ZNF536: variants seen among roughly 807,000 people sequenced by gnomAD.
The protein encoded by ZNF536 is zinc finger protein 536.
Under a neutral mutation model 84.5 loss-of-function variants are expected in ZNF536, and 13 were observed. The observed-to-expected ratio is 0.15, with a 90% CI of 0.10 to 0.24. The LOEUF is 0.24. Among genes scored for constraint, ZNF536 ranks in the 10% least tolerant of loss-of-function variants. The probability of loss-of-function intolerance (pLI) is 1.00; values close to 1 mark genes in which losing one functional copy is unlikely to be tolerated. For missense variants in ZNF536, 1,536 were observed against 1,747.5 expected (o/e 0.88, Z 2.16); for synonymous variants, 811 against 742.5 (o/e 1.09, Z -1.50).
chr19:30,394,853 G>C (rs1430673539), intron 1 of ZNF536, among the ~76,000 whole-genome samples: 3 of 152,136 alleles, frequency 2.0e-5, no homozygotes, highest in Non-Finnish European at 4.4e-5. Flanking sequence ...AGGATTTTAG[G>C]CTTTACCTGA....
intron 3 of ZNF536, among the ~76,000 whole-genome samples, chr19:30,363,941 G>A (rs1399883628): frequency 6.6e-6 from 1 of 152,178 alleles, no homozygotes. Context: ...GGGAATTGAA[G>A]TGGTCATTCC....
rs147826198 is a variant in ZNF536, at chr19:30,466,254, A to G, written c.2170+20522A>G. ...AAATACATATAACATAGAATTTACC[A>G]TTTTAGGCTGGACACCATGGCTCAC... On this transcript the variant is annotated intron_variant, in intron 2 of 4. Coordinates refer to ENST00000355537, the MANE Select transcript of ZNF536 (RefSeq NM_014717.3). 2.8e-3 allele frequency among the ~76,000 whole-genome samples: 424 copies of G among 151,880 alleles called. 1 individual carries two copies. The highest frequency in any genetic ancestry group is 9.9e-3 in the African/African-American group (408 of 41,408).
chr19:30,616,141 T>A (rs1388202198), intron 1 of ZNF536, among the ~76,000 whole-genome samples: 1 of 152,230 alleles, frequency 6.6e-6, no homozygotes, highest in Non-Finnish European at 1.5e-5. Flanking sequence ...CATAACCTGC[T>A]CTTTTTTTAA....
At chr19:30,440,696 G>A (rs981372204) in intron 1 of ZNF536, among the ~76,000 whole-genome samples, 1 of 152,118 alleles carries the variant, frequency 6.6e-6, no homozygotes, top group Admixed American at 6.5e-5. Context: ...CCTCAGACAG[G>A]GTGGGCACAG....
chr19:30,526,561 A>G (rs2044587290), intron 2 of ZNF536, among the ~76,000 whole-genome samples: 1 of 146,140 alleles, frequency 6.8e-6, no homozygotes, highest in South Asian at 2.1e-4. Flanking sequence ...CGTCTCTACT[A>G]AAAATACAAA....
intron 1 of ZNF536, among the ~76,000 whole-genome samples, chr19:30,615,478 T>C (rs548651783): frequency 5.3e-5 from 8 of 152,322 alleles, no homozygotes; most frequent in African/African-American, 1.9e-4. Context: ...TTTTACTCAA[T>C]TGACATGTCT....
At chr19:30,439,955 C>CTT (rs1369505835) in intron 1 of ZNF536, among the ~76,000 whole-genome samples, 7 of 133,054 alleles carry the variant, frequency 5.3e-5, no homozygotes, top group East Asian at 2.5e-4. Context: ...CTTTTTCTTT[C>CTT]TTTCTTTTTT....
intron 2 of ZNF536, among the ~76,000 whole-genome samples, chr19:30,530,331 TTTG>T (rs140017176): frequency 0.14 from 21,329 of 151,322 alleles, 1,713 homozygotes; most frequent in East Asian, 0.31. Flanking sequence ...TCTCTGTCTT[TTTG>T]TTGTTGTTGT....
intron 3 of ZNF536, among the ~76,000 whole-genome samples, chr19:30,540,049 T>A (rs1280809674): frequency 5.9e-5 from 9 of 152,240 alleles, no homozygotes; most frequent in African/African-American, 2.2e-4. Context: ...CTGGTTTTGA[T>A]GTGCCGCATG....
chr19:30,603,789 A>G (rs971033489), intron 1 of ZNF536, among the ~76,000 whole-genome samples: 1 of 152,190 alleles, frequency 6.6e-6, no homozygotes, highest in African/African-American at 2.4e-5. Flanking sequence ...TACTAAGCAA[A>G]TAATTAAATA....
intron 1 of ZNF536, among the ~76,000 whole-genome samples, chr19:30,253,825 C>T (rs1224822446): frequency 2.0e-5 from 3 of 152,092 alleles, no homozygotes; most frequent in Non-Finnish European, 2.9e-5. Context: ...GTGTGAGAGC[C>T]CTTCCTTAGT....
chr19:30,352,050 C>A lies in ZNF536; in HGVS notation c.-119-318C>A, dbSNP rs1009105319. ...AAAGCTGCTTCTCCTCTCCTCTTTG[C>A]CCTGATAGAGCACAAGGAGTGAGAA... On this transcript the variant is annotated intron_variant, in intron 2 of 5. Coordinates refer to the ZNF536 transcript ENST00000585628. Among the ~76,000 whole-genome samples the A allele has an allele frequency of 3.3e-5, 5 of 152,124 alleles. No individual in the cohort carries two copies. In the South Asian group the frequency reaches 1.0e-3, roughly 32 times the overall value.
intron 1 of ZNF536, among the ~76,000 whole-genome samples, chr19:30,573,014 C>A (rs2046606251): frequency 6.6e-6 from 1 of 152,112 alleles, no homozygotes; most frequent in Non-Finnish European, 1.5e-5. Context: ...GCACCAGACG[C>A]ACCAGTGTGC....
At chr19:30,441,532 A>G (rs1341654598) in intron 1 of ZNF536, among the ~76,000 whole-genome samples, 2 of 152,116 alleles carry the variant, frequency 1.3e-5, no homozygotes, top group African/African-American at 4.8e-5. Context: ...TGGCAAGGCT[A>G]GGGACTGGCA....
intron 2 of ZNF536, among the ~76,000 whole-genome samples, chr19:30,533,264 T>C (rs1158225624): frequency 2.0e-5 from 3 of 152,184 alleles, no homozygotes; most frequent in Non-Finnish European, 4.4e-5. Flanking sequence ...CTTATGCCTA[T>C]AATCCTAGCT....
intron 2 of ZNF536, chr19:30,300,797 C>CG (rs2046155736): frequency 6.6e-6 from 1 of 152,272 alleles, no homozygotes; most frequent in Non-Finnish European, 1.5e-5. Context: ...ATGATCGCAA[C>CG]GGGGGGAGCC....
At chr19:30,606,376 C>T (rs1229849703) in intron 1 of ZNF536, among the ~76,000 whole-genome samples, 3 of 151,996 alleles carry the variant, frequency 2.0e-5, no homozygotes, top group South Asian at 2.1e-4. Flanking sequence ...GGACCTCCTC[C>T]TATTTTTAGA....
chr19:30,248,317 G>A (rs530439139), intron 1 of ZNF536, among the ~76,000 whole-genome samples: 1,065 of 97,412 alleles, frequency 0.011, 11 homozygotes, highest in African/African-American at 0.043. Context: ...TGCCTCCTGG[G>A]CTCCTGGGTC....
chr19:30,370,289 TTGAA>T (rs1213270517), upstream of ZNF536, among the ~76,000 whole-genome samples: 1 of 152,192 alleles, frequency 6.6e-6, no homozygotes, highest in Non-Finnish European at 1.5e-5. Context: ...ATGACTCTGG[TTGAA>T]TGGCGTCTGT....
Sources: gnomAD v4.1 joint callset for allele counts (sites outside exome capture counted in the v4.1 genomes callset) on GRCh38, gnomAD v4.1.1 for gene constraint, MANE v1.5 for transcripts, NCBI Gene and HGNC (gene_info 2026-07-23, HGNC 2026-07-21) for gene names.